Variants in ADGB observed in about 807,000 individuals in gnomAD.
ADGB encodes the protein calpain-7-like protein.
ADGB carries 172 observed loss-of-function variants against 210.5 expected under a neutral mutation model. The observed-to-expected ratio is 0.82, with a 90% CI of 0.72 to 0.93. The LOEUF is 0.93. Ranked by LOEUF, ADGB falls within the 40% of genes least tolerant of loss-of-function variation. The pLI is 0.00. For synonymous variants in ADGB, 658 were observed against 662.7 expected (o/e 0.99, Z 0.11); for missense variants, 2,025 against 1,964.8 (o/e 1.03, Z -0.58).
chr6:146,679,789 AC>A (rs1311505909), intron 9 of ADGB, among the ~76,000 whole-genome samples: 1 of 152,226 alleles, frequency 6.6e-6, no homozygotes, highest in Non-Finnish European at 1.5e-5. Context: ...TTAAAAAGAA[AC>A]CTTGATGCAA....
At chr6:146,637,665 A>T (rs1583568979) in intron 2 of ADGB, among the ~76,000 whole-genome samples, 1 of 152,178 alleles carries the variant, frequency 6.6e-6, no homozygotes, top group East Asian at 1.9e-4. Context: ...TGACTGAGTC[A>T]GGTACATCTT....
chr6:146,786,851 A>C (rs1470128823), intron 32 of ADGB, among the ~76,000 whole-genome samples: 1 of 152,152 alleles, frequency 6.6e-6, no homozygotes, highest in Non-Finnish European at 1.5e-5. Flanking sequence ...AAAATATTAC[A>C]CTGAATACAT....
intron 3 of ADGB, among the ~76,000 whole-genome samples, chr6:146,650,597 CAAAAAAAAAAAAAAAAAAA>C (rs57913607): frequency 0.016 from 571 of 36,582 alleles, 15 homozygotes; most frequent in African/African-American, 0.071. Flanking sequence ...TCCCTCCCAC[CAAAAAAAAAAAAAAAAAAA>C]AAAAAAAAAA....
chr6:146,777,996 G>T (rs1583634416), intron 29 of ADGB, among the ~76,000 whole-genome samples: 1 of 152,158 alleles, frequency 6.6e-6, no homozygotes, highest in African/African-American at 2.4e-5. Flanking sequence ...CACACCATTA[G>T]CAGCCATATT....
At chr6:146,680,305 A>G (rs2114911020) in intron 9 of ADGB, among the ~76,000 whole-genome samples, 1 of 152,344 alleles carries the variant, frequency 6.6e-6, no homozygotes, top group Middle Eastern at 3.4e-3. Flanking sequence ...CAAAGCCACA[A>G]GGATGGACAG....
chr6:146,615,670 T>C (rs1053040763), intron 1 of ADGB, among the ~76,000 whole-genome samples: 1 of 152,218 alleles, frequency 6.6e-6, no homozygotes, highest in African/African-American at 2.4e-5. Flanking sequence ...CTCCCACCTA[T>C]AAGTGAGAAC....
rs567479236 is a variant in ADGB, at chr6:146,712,939, C to A, written c.1708-2443C>A. ...CCTCCCCCCAGCCCATGAAAACCACCATTCCACTTTCTGTGCCTATAACTT... is the reference window on the plus strand; with the variant it reads ...CCTCCCCCCAGCCCATGAAAACCACAATTCCACTTTCTGTGCCTATAACTT... On this transcript the variant is annotated intron_variant, in intron 13 of 35. Coordinates refer to ENST00000397944, the MANE Select transcript of ADGB (RefSeq NM_024694.4). 5.7e-4 allele frequency among the ~76,000 whole-genome samples: 87 copies of A among 152,212 alleles called. No individual in the cohort carries two copies. The Middle Eastern group carries it at 0.014, about 24-fold the overall frequency.
chr6:146,711,455 GTCTC>G (rs1776655255), intron 13 of ADGB, among the ~76,000 whole-genome samples: 1 of 150,904 alleles, frequency 6.6e-6, no homozygotes, highest in Non-Finnish European at 1.5e-5. Flanking sequence ...ACTTCCTTTT[GTCTC>G]TCTCCTCTGA....
chr6:146,664,844 T>C (rs1328057382), intron 6 of ADGB, among the ~76,000 whole-genome samples: 1 of 152,084 alleles, frequency 6.6e-6, no homozygotes, highest in African/African-American at 2.4e-5. Context: ...AAACTACTCA[T>C]ATTTTCTTCA....
intron 4 of ADGB, 115 bp from the exon 5 acceptor site, chr6:146,656,656 A>G (rs972874235): frequency 2.0e-5 from 14 of 698,190 alleles, no homozygotes; most frequent in Admixed American, 1.3e-4. Context: ...GGAATACATT[A>G]CATGTATAAT....
intron 35 of ADGB, chr6:146,803,457 G>A: frequency 1.2e-6 from 2 of 1,605,848 alleles, no homozygotes; most frequent in Non-Finnish European, 1.7e-6. Flanking sequence ...GTTTTTTTCT[G>A]TAACAAAGAT....
chr6:146,726,230 T>G, intron 19 of ADGB, 33 bp downstream of exon 19: 2 of 1,425,386 alleles, frequency 1.4e-6, no homozygotes, highest in Non-Finnish European at 1.9e-6. Flanking sequence ...GTTATTTATT[T>G]ATTTATTTAG....
intron 13 of ADGB, among the ~76,000 whole-genome samples, chr6:146,708,627 G>C (rs892208072): frequency 6.6e-6 from 1 of 152,046 alleles, no homozygotes; most frequent in African/African-American, 2.4e-5. Flanking sequence ...GCTGCTTTCA[G>C]AATCCTCTCT....
intron 33 of ADGB, among the ~76,000 whole-genome samples, chr6:146,791,435 C>T (rs376935545): frequency 6.6e-6 from 1 of 152,096 alleles, no homozygotes; most frequent in Non-Finnish European, 1.5e-5. Flanking sequence ...CCTCAACCTC[C>T]CAGACTCAAG....
chr6:146,606,640 C>T (rs1365534742), intron 1 of ADGB, among the ~76,000 whole-genome samples: 1 of 152,184 alleles, frequency 6.6e-6, no homozygotes, highest in Non-Finnish European at 1.5e-5. Context: ...TATCCCAGTA[C>T]CATTTATTGA....
chr6:146,716,961 G>C lies in ADGB; in HGVS notation c.1820G>C (p.Ser607Thr). The change falls in exon 15 of 36, where the codon AGC becomes ACC. Residue 607 changes from serine (S) to threonine (T), a missense_variant. By Grantham distance (58) the Ser-to-Thr change is moderately conservative (BLOSUM62 1). Transcript: ENST00000397944. ...TTAAACTTGGAAAGAGAGATAGTCA[G>C]CCAGACCACAGCAACACAGGAAAAG... ...DGLNLEREIV[S>T]QTTATQEKSQ... The C allele has an allele frequency of 6.4e-7, 1 of 1,551,598 alleles. No individual in the cohort carries two copies. Among genetic ancestry groups the C allele is most frequent in the East Asian group, 2.4e-5 (1 of 40,882 alleles).
chr6:146,682,696 A>T (rs1348121531), intron 9 of ADGB, among the ~76,000 whole-genome samples: 1 of 152,124 alleles, frequency 6.6e-6, no homozygotes, highest in African/African-American at 2.4e-5. Context: ...ATTGATATAT[A>T]ATAAAATCAA....
At chr6:146,628,243 T>A (rs1377075084) in intron 1 of ADGB, among the ~76,000 whole-genome samples, 1 of 151,762 alleles carries the variant, frequency 6.6e-6, no homozygotes, top group Admixed American at 6.6e-5. Context: ...AAAAATTATT[T>A]TTTTCTTTAT....
intron 13 of ADGB, among the ~76,000 whole-genome samples, chr6:146,701,660 T>A (rs1009391266): frequency 6.6e-6 from 1 of 151,670 alleles, no homozygotes; most frequent in Admixed American, 6.6e-5. Context: ...CTTAACAATT[T>A]TTTAAAACTC....
Sources: gnomAD v4.1 joint callset for allele counts (sites outside exome capture counted in the v4.1 genomes callset) on GRCh38, gnomAD v4.1.1 for gene constraint, MANE v1.5 for transcripts, NCBI Gene and HGNC (gene_info 2026-07-23, HGNC 2026-07-21) for gene names.